MCM9: variants seen among roughly 807,000 people sequenced by gnomAD.
The protein encoded by MCM9 is DNA helicase MCM9.
In MCM9, 55 loss-of-function variants were observed where a neutral mutation model predicts 72.8. The ratio of observed to expected loss-of-function variants is 0.76; its 90% confidence interval spans 0.61 to 0.95. The LOEUF (loss-of-function observed/expected upper bound fraction) is 0.95, where lower values mean the gene tolerates loss of function less well. MCM9 is among the 40% of genes least tolerant of loss of function. The pLI, the probability that MCM9 is intolerant of heterozygous loss-of-function variation, is 0.00. For missense variants in MCM9, 1,279 were observed against 1,377.0 expected (o/e 0.93, Z 1.13); for synonymous variants, 480 against 503.4 (o/e 0.95, Z 0.62).
At chr6:118,888,757 A>G (rs564615379) in intron 8 of MCM9, among the ~76,000 whole-genome samples, 93 of 152,344 alleles carry the variant, frequency 6.1e-4, no homozygotes, top group Non-Finnish European at 1.0e-3. Flanking sequence ...AAAGGAATAA[A>G]GCATCAATAT....
At chr6:118,877,736 G>A (rs1778026559) in intron 8 of MCM9, among the ~76,000 whole-genome samples, 1 of 152,196 alleles carries the variant, frequency 6.6e-6, no homozygotes, top group South Asian at 2.1e-4. Flanking sequence ...CCAGGAGGGA[G>A]ATAGGTAAAA....
intron 9 of MCM9, among the ~76,000 whole-genome samples, chr6:118,846,722 C>A (rs553271487): frequency 1.3e-5 from 2 of 151,720 alleles, no homozygotes; most frequent in East Asian, 3.8e-4. Flanking sequence ...AATCAACCAT[C>A]CCCTTATGGA....
chr6:118,862,685 G>A (rs1394302365), intron 8 of MCM9, among the ~76,000 whole-genome samples: 2 of 152,102 alleles, frequency 1.3e-5, no homozygotes, highest in Non-Finnish European at 2.9e-5. Context: ...TATAAATAGA[G>A]ACATAGCTTC....
chr6:118,856,549 A>C lies in MCM9; in HGVS notation c.1151-4T>G, dbSNP rs1218799482. 1.8e-5 allele frequency: 27 copies of C among 1,535,246 alleles called. No individual in the cohort carries two copies. The East Asian group carries it at 6.6e-4, about 38-fold the overall frequency. On this transcript the variant is annotated splice_region_variant and splice_polypyrimidine_tract_variant and intron_variant, in intron 8 of 13. Coordinates refer to ENST00000619706, the MANE Select transcript of MCM9 (RefSeq NM_017696.3). ...TTTACAGCAGTTACCGTCAGACCTG[A>C]GGAAACAAGCAAGCCATATCAACTT...
At chr6:118,933,878 G>GT (rs1782667838) in intron 1 of MCM9, among the ~76,000 whole-genome samples, 1 of 140,730 alleles carries the variant, frequency 7.1e-6, no homozygotes, top group African/African-American at 2.6e-5. Flanking sequence ...ACGGTAATTT[G>GT]TTTTTGGTTA....
chr6:118,911,650 C>G lies in MCM9; in HGVS notation c.1150G>C (p.Gly384Arg). 1 of 1,607,562 alleles carries G rather than the reference C, an allele frequency of 6.2e-7. No individual in the cohort carries two copies. Among genetic ancestry groups the G allele is most frequent in the Non-Finnish European group, 8.5e-7 (1 of 1,176,688 alleles). Residue 384 changes from glycine (G) to arginine (R), a missense_variant and splice_region_variant, in exon 8 of 14, where the codon GGT becomes CGT. Physicochemically the swap from Gly to Arg is moderately radical, Grantham distance 125 (BLOSUM62 -2). Coordinates refer to ENST00000619706, the MANE Select transcript of MCM9 (RefSeq NM_017696.3). ...TACTTGAAATTGTCACATACAATACCTGCACTAGTAGATCCAATTCCTGTG... is the reference window on the plus strand; with the variant it reads ...TACTTGAAATTGTCACATACAATACGTGCACTAGTAGATCCAATTCCTGTG... ...LTTGIGSTSA[G>R]LTVTAVKDSG...
chr6:118,913,185 G>T, intron 7 of MCM9, 110 bp downstream of exon 7: 1 of 1,258,336 alleles, frequency 7.9e-7, no homozygotes, highest in Non-Finnish European at 1.1e-6. Context: ...AGTTTTATAA[G>T]ATTACAATTG....
chr6:118,933,461 A>ACT (rs1427993446), intron 1 of MCM9, among the ~76,000 whole-genome samples: 2 of 150,868 alleles, frequency 1.3e-5, no homozygotes, highest in Non-Finnish European at 2.9e-5. Flanking sequence ...AGCCGAGACC[A>ACT]CGCCACTGCA....
chr6:118,865,499 A>G (rs529755069), intron 8 of MCM9, among the ~76,000 whole-genome samples: 2 of 152,332 alleles, frequency 1.3e-5, no homozygotes, highest in Non-Finnish European at 2.9e-5. Flanking sequence ...TCCCCTTGGA[A>G]AAGTCCCAAA....
Position 118,828,695 on chromosome 6 carries a change from T to C in MCM9, c.1528+353A>G, listed in dbSNP as rs564511822. Among the ~76,000 whole-genome samples, 7 of 152,354 alleles carry C rather than the reference T, an allele frequency of 4.6e-5. No individual in the cohort carries two copies. The South Asian group carries it at 1.4e-3, about 32-fold the overall frequency. Reference sequence around the variant, plus strand: ...CCACCACGCCCGGCCTGAGTAAATCTGATTTAAAGAGAAGCCTACATTTAG... The same window carrying C: ...CCACCACGCCCGGCCTGAGTAAATCCGATTTAAAGAGAAGCCTACATTTAG... On this transcript the variant is annotated intron_variant, in intron 10 of 13. Coordinates refer to ENST00000619706, the MANE Select transcript of MCM9 (RefSeq NM_017696.3).
chr6:118,860,425 C>T (rs780735626), intron 8 of MCM9, among the ~76,000 whole-genome samples: 1 of 151,656 alleles, frequency 6.6e-6, no homozygotes, highest in Non-Finnish European at 1.5e-5. Context: ...TTAAAACTTC[C>T]AAAACAAAAA....
intron 11 of MCM9, among the ~76,000 whole-genome samples, 191 bp from the exon 12 acceptor site, chr6:118,827,055 G>A (rs1175213576): frequency 6.6e-6 from 1 of 152,140 alleles, no homozygotes; most frequent in Non-Finnish European, 1.5e-5. Flanking sequence ...TAATCCTTCT[G>A]TGTAGCCCAC....
intron 6 of MCM9, among the ~76,000 whole-genome samples, chr6:118,914,309 A>T (rs78227226): frequency 6.6e-6 from 1 of 152,182 alleles, no homozygotes. Context: ...GAATCTGCCT[A>T]TCTCTTCCAT....
At chr6:118,828,277 T>A (rs989683576) in intron 10 of MCM9, 147 bp from the exon 11 acceptor site, 10 of 644,672 alleles carry the variant, frequency 1.6e-5, no homozygotes, top group Non-Finnish European at 2.7e-5. Flanking sequence ...CTGCATAGCA[T>A]ACAATCAGCA....
chr6:118,873,903 TA>T (rs1777771568), intron 8 of MCM9, among the ~76,000 whole-genome samples: 1 of 152,094 alleles, frequency 6.6e-6, no homozygotes, highest in African/African-American at 2.4e-5. Context: ...CCACAATGCA[TA>T]AAAAGAATTG....
At chr6:118,872,177 C>T (rs977068959) in intron 8 of MCM9, among the ~76,000 whole-genome samples, 47 of 150,170 alleles carry the variant, frequency 3.1e-4, no homozygotes, top group African/African-American at 1.0e-3. Flanking sequence ...AAATTAGCCA[C>T]GCGTGGTGGT....
At chr6:118,886,510 A>G (rs1388554867) in intron 8 of MCM9, among the ~76,000 whole-genome samples, 3 of 152,082 alleles carry the variant, frequency 2.0e-5, no homozygotes, top group African/African-American at 4.8e-5. Flanking sequence ...CCTCAGCTAG[A>G]CTGACAGATA....
Position 118,814,910 on chromosome 6 carries a change from A to G in MCM9, c.3346T>C (p.Ser1116Pro). The G allele has an allele frequency of 6.5e-7, 1 of 1,549,600 alleles. No homozygotes were observed. The highest frequency in any genetic ancestry group is 8.7e-7 in the Non-Finnish European group (1 of 1,146,654). Residue 1116 changes from serine (S) to proline (P), a missense_variant, in exon 14 of 14, where the codon TCC (serine) becomes CCC (proline). Transcript: ENST00000619706. ...LRGSTEKLIV[S>P]KESLFTLPEL... ...GGTAAAGTGAAGAGGGATTCTTTGG[A>G]AACAATCAGTTTCTCGGTGGACCCA... is the stretch of plus-strand genomic sequence containing the variant.
intron 9 of MCM9, among the ~76,000 whole-genome samples, chr6:118,850,344 T>A (rs751469699): frequency 2.6e-5 from 4 of 151,798 alleles, no homozygotes; most frequent in Non-Finnish European, 5.9e-5. Flanking sequence ...ATACAGAGAA[T>A]CCTATAAACA....
Sources: allele counts gnomAD v4.1 joint callset (sites outside exome capture counted in the v4.1 genomes callset), GRCh38; gene constraint gnomAD v4.1.1; transcripts MANE v1.5; gene names NCBI Gene and HGNC (gene_info 2026-07-23, HGNC 2026-07-21).